Variants in NR2F6 observed in about 807,000 individuals in gnomAD.
The protein encoded by NR2F6 is nuclear receptor subfamily 2 group F member 6.
In NR2F6, 16 loss-of-function variants were observed where a neutral mutation model predicts 26.5. The ratio of observed to expected loss-of-function variants is 0.60; its 90% confidence interval spans 0.41 to 0.92. NR2F6 has a LOEUF of 0.92. NR2F6 is among the 40% of genes least tolerant of loss of function. NR2F6 has a pLI of 0.00. For missense variants in NR2F6, 536 were observed against 631.7 expected (o/e 0.85, Z 1.62); for synonymous variants, 325 against 305.0 (o/e 1.07, Z -0.68).
Position 17,236,017 on chromosome 19 carries a change from G to A in NR2F6, c.422C>T (p.Ala141Val), listed in dbSNP as rs1599453936. ...CGAGCCCGGGGGGCTGCCCGAGGAG[G>A]CGGCCACGGCACCAGGCAGCGAGTG... ...IPHSLPGAVA[A>V]SSGSPPGSAL... Residue 141 changes from alanine to valine, a missense_variant, in exon 3 of 4, where the codon GCC (alanine) becomes GTC (valine). Coordinates refer to ENST00000291442, the MANE Select transcript of NR2F6 (RefSeq NM_005234.4). 4 of 1,407,408 alleles carry A rather than the reference G, an allele frequency of 2.8e-6. No homozygotes were observed. The East Asian group carries it at 1.2e-4, about 43-fold the overall frequency. 87.2% of individuals were successfully genotyped at this position (1,407,408 alleles called of 1,614,324 possible).
At chr19:17,242,275 G>A (rs1431123957) in intron 1 of NR2F6, among the ~76,000 whole-genome samples, 3 of 152,124 alleles carry the variant, frequency 2.0e-5, no homozygotes, top group Non-Finnish European at 4.4e-5. Flanking sequence ...TTGAGATCAC[G>A]CCATCGCACT....
Position 17,245,195 on chromosome 19 carries a change from C to T in NR2F6, c.26G>A (p.Gly9Asp). The change falls in exon 1 of 4, where the codon GGC becomes GAC. Residue 9 changes from glycine (G) to aspartate (D), a missense_variant. By Grantham distance (94) the Gly-to-Asp change is moderately conservative. Transcript: ENST00000291442. This position sits in a 1 kb window ranked among gnomAD's most constrained non-coding sequence, Gnocchi z 5.0. ...GCCGTTCGTGTCGCCGCCGGGGCCG[C>T]CCCAGCCGCCGGTCACCATGGCCAT... Reference protein sequence around the residue: MAMVTGGWGGPGGDTNGVD... With the variant: MAMVTGGWDGPGGDTNGVD... 1 of 1,377,416 alleles carries T rather than the reference C, an allele frequency of 7.3e-7. No individual in the cohort carries two copies. The highest frequency in any genetic ancestry group is 9.4e-7 in the Non-Finnish European group (1 of 1,063,370). The allele number at this position is 1,377,416 out of a possible 1,614,324, so 85.3% of individuals were successfully genotyped here. A position where few individuals can be genotyped will look rare whatever the true frequency, so the allele number is the denominator to read the frequency against.
chr19:17,232,194 A>G lies in NR2F6; in HGVS notation c.*158T>C. ...CTTTTTGGTTTCATGATCATTTAAA[A>G]AACAGAAAAGACAAACATTTCACAG... On this transcript the variant is annotated 3_prime_UTR_variant, in exon 4 of 4. Transcript: ENST00000291442. The G allele has an allele frequency of 9.2e-7, 1 of 1,084,690 alleles. No homozygotes were observed. Among genetic ancestry groups the G allele is most frequent in the East Asian group, 2.6e-5 (1 of 38,466 alleles). The allele number at this position is 1,084,690 out of a possible 1,614,324, so 67.2% of individuals were successfully genotyped here.
At chr19:17,244,914 C>A in intron 1 of NR2F6, 29 bp downstream of exon 1, 1 of 1,552,872 alleles carries the variant, frequency 6.4e-7, no homozygotes, top group Non-Finnish European at 8.7e-7. Flanking sequence ...GCGGGGTGCA[C>A]GGCGGCGGCG....
chr19:17,232,303 TTGAGGTC>T lies in NR2F6; in HGVS notation c.*42_*48del. 1 of 1,612,362 alleles carries T rather than the reference TTGAGGTC, an allele frequency of 6.2e-7. No individual in the cohort carries two copies. Among genetic ancestry groups the T allele is most frequent in the African/African-American group, 1.3e-5 (1 of 75,044 alleles). On this transcript the variant is annotated 3_prime_UTR_variant, in exon 4 of 4. Coordinates refer to ENST00000291442, the MANE Select transcript of NR2F6 (RefSeq NM_005234.4). ...TCGAGGCCTCAGCATTCCCTGTCCCTTGAGGTCTGTCTGCAGGCCTGGCCACAGCACA... is the reference window on the plus strand; with the variant it reads ...TCGAGGCCTCAGCATTCCCTGTCCCTTGTCTGCAGGCCTGGCCACAGCACA...
chr19:17,236,802 G>A (rs1282226395), intron 2 of NR2F6, among the ~76,000 whole-genome samples: 8 of 152,208 alleles, frequency 5.3e-5, no homozygotes, highest in Non-Finnish European at 8.8e-5. Flanking sequence ...GGGTCCCAGG[G>A]GGGCTGCCAT....
At chr19:17,242,643 A>C (rs1434737410) in intron 1 of NR2F6, among the ~76,000 whole-genome samples, 1 of 152,218 alleles carries the variant, frequency 6.6e-6, no homozygotes, top group Non-Finnish European at 1.5e-5. Context: ...GAGGGAGCTC[A>C]GGCAGAACCA....
At chr19:17,234,222 CAAAAA>C (rs1277277620) in intron 3 of NR2F6, among the ~76,000 whole-genome samples, 1 of 89,172 alleles carries the variant, frequency 1.1e-5, no homozygotes, top group East Asian at 3.8e-4. Flanking sequence ...GACTCCGTCT[CAAAAA>C]AAAAAAAAAA....
At position 17,245,135 on chromosome 19, in the gene NR2F6, T is replaced by C; in HGVS notation, c.86A>G (p.Glu29Gly). The C allele has an allele frequency of 6.9e-7, 1 of 1,452,640 alleles. No individual in the cohort carries two copies. 90.0% of individuals were successfully genotyped at this position (1,452,640 alleles called of 1,614,324 possible). Residue 29 changes from glutamate (E) to glycine (G), a missense_variant, in exon 1 of 4, where the codon GAG (glutamate) becomes GGG (glycine). Coordinates refer to ENST00000291442, the MANE Select transcript of NR2F6 (RefSeq NM_005234.4). The surrounding 1 kb of genome is among the most constrained non-coding windows in gnomAD (Gnocchi z 5.0). ...DKAGGYPRAAEDDSASPPGAA... is the reference protein window; with the variant it reads ...DKAGGYPRAAGDDSASPPGAA... ...ACCGGGGGGCGAGGCCGAGTCGTCC[T>C]CGGCCGCGCGCGGGTAGCCGCCCGC...
rs896144089 is a variant in NR2F6, at chr19:17,236,250, A to G, written c.374-185T>C. Among the ~76,000 whole-genome samples, 6 of 83,536 alleles carry G rather than the reference A, an allele frequency of 7.2e-5. No individual in the cohort carries two copies. The Admixed American group carries it at 8.9e-4, about 12-fold the overall frequency. The allele number at this position is 83,536 out of a possible 152,430, so 54.8% of individuals were successfully genotyped here. A position where few individuals can be genotyped will look rare whatever the true frequency, so the allele number is the denominator to read the frequency against. On this transcript the variant is annotated intron_variant, in intron 2 of 3. Coordinates refer to ENST00000291442, the MANE Select transcript of NR2F6 (RefSeq NM_005234.4). ...GAGGGGTAGAGAGGAGAGGGCCGGA[A>G]GAGGGGGGATGAGGGGCCAAGTAGG...
intron 3 of NR2F6, among the ~76,000 whole-genome samples, chr19:17,234,903 T>A (rs1217583949): frequency 1.3e-5 from 2 of 151,852 alleles, no homozygotes; most frequent in African/African-American, 2.4e-5. Flanking sequence ...AAAAAAAAAA[T>A]TTGGCTGTAC....
intron 2 of NR2F6, among the ~76,000 whole-genome samples, chr19:17,236,858 A>G (rs984539042): frequency 6.6e-6 from 1 of 152,196 alleles, no homozygotes; most frequent in African/African-American, 2.4e-5. Context: ...TTGCTTATGA[A>G]GCGGGGAGGC....
intron 3 of NR2F6, 115 bp from the exon 4 acceptor site, chr19:17,232,741 G>T (rs2073415105): frequency 1.6e-6 from 2 of 1,268,440 alleles, no homozygotes; most frequent in Admixed American, 2.9e-5. Flanking sequence ...GGCCGGGCAT[G>T]ATGGCTCACG....
At chr19:17,234,909 T>C (rs1304898796) in intron 3 of NR2F6, among the ~76,000 whole-genome samples, 1 of 152,148 alleles carries the variant, frequency 6.6e-6, no homozygotes, top group Admixed American at 6.5e-5. Flanking sequence ...AAAATTTGGC[T>C]GTACCGCCAG....
rs751048859 is a variant in NR2F6, at chr19:17,232,441, G to A, written c.1126C>T (p.Leu376=). Residue 376 remains leucine, a synonymous_variant, in exon 4 of 4, where the codon CTG becomes TTG. Coordinates refer to ENST00000291442, the MANE Select transcript of NR2F6 (RefSeq NM_005234.4). The part of the protein sequence containing the change: ...SLISQLFFMR[L]VGKTPIETLI... Reference sequence around the variant, plus strand: ...GTCTCAATGGGCGTCTTCCCCACCAGGCGCATGAAGAACAGCTGGGAGATG... The same window carrying A: ...GTCTCAATGGGCGTCTTCCCCACCAAGCGCATGAAGAACAGCTGGGAGATG... 2 of 1,614,134 alleles carry A rather than the reference G, an allele frequency of 1.2e-6. No homozygotes were observed. The highest frequency in any genetic ancestry group is 8.5e-7 in the Non-Finnish European group (1 of 1,180,020).
At chr19:17,239,690 G>A (rs925667681) in intron 2 of NR2F6, among the ~76,000 whole-genome samples, 3 of 151,360 alleles carry the variant, frequency 2.0e-5, no homozygotes, top group Non-Finnish European at 2.9e-5. Flanking sequence ...GTGTTGGCCC[G>A]TATCTGTAGT....
At chr19:17,239,920 C>T (rs1424663254) in intron 2 of NR2F6, among the ~76,000 whole-genome samples, 3 of 152,202 alleles carry the variant, frequency 2.0e-5, no homozygotes, top group Non-Finnish European at 4.4e-5. Context: ...TGGCCCACGA[C>T]ACAGTCCCCA....
At chr19:17,237,406 TCTCC>T (rs766546072) in intron 2 of NR2F6, among the ~76,000 whole-genome samples, 15 of 144,814 alleles carry the variant, frequency 1.0e-4, no homozygotes, top group Non-Finnish European at 1.8e-4. Flanking sequence ...TCTCTCTCTC[TCTCC>T]CTCTCTCTCT....
rs1275857402 is a variant in NR2F6, at chr19:17,235,844, T to A, written c.595A>T (p.Ile199Phe). Residue 199 changes from isoleucine to phenylalanine, a missense_variant, in exon 3 of 4, where the codon ATC becomes TTC. Ile to Phe is a conservative substitution (Grantham distance 21, BLOSUM62 0). Coordinates refer to ENST00000291442, the MANE Select transcript of NR2F6 (RefSeq NM_005234.4). The surrounding 1 kb of genome is among the most constrained non-coding windows in gnomAD (Gnocchi z 5.0). ...GCCGCCAGCTCGCACACGTTGTCGA[T>A]GCCCAGCACCGCGCCCGCCGCGCCG... ...GGGAAGAVLG[I>F]DNVCELAARL... The A allele has an allele frequency of 2.7e-6, 4 of 1,473,472 alleles. No individual in the cohort carries two copies. In the South Asian group the frequency reaches 5.2e-5, roughly 19 times the overall value. The allele number at this position is 1,473,472 out of a possible 1,614,324, so 91.3% of individuals were successfully genotyped here. A position where few individuals can be genotyped will look rare whatever the true frequency, so the allele number is the denominator to read the frequency against.
Sources: gnomAD v4.1 joint callset for allele counts (sites outside exome capture counted in the v4.1 genomes callset) on GRCh38, gnomAD v4.1.1 for gene constraint, Gnocchi (gnomAD v3.1) non-coding constraint, MANE v1.5 for transcripts, NCBI Gene and HGNC (gene_info 2026-07-23, HGNC 2026-07-21) for gene names.